The following NCEH1 variants were observed in gnomAD, a reference collection of about 807,000 sequenced individuals.
The protein encoded by NCEH1 is 2-acetyl MAGE hydrolase.
NCEH1 carries 9 observed loss-of-function variants against 25.4 expected under a neutral mutation model. That is an observed-to-expected ratio of 0.35 (90% CI 0.21 to 0.62). The LOEUF (loss-of-function observed/expected upper bound fraction) is 0.62, where lower values mean the gene tolerates loss of function less well. NCEH1 is among the 20% of genes least tolerant of loss of function. The pLI is 0.72. For synonymous variants in NCEH1, 200 were observed against 199.8 expected, an observed-to-expected ratio of 1.00 and a Z score of -0.01; for missense variants, 412 against 501.1, an observed-to-expected ratio of 0.82 and a Z score of 1.70.
chr3:172,650,648 C>CA (rs34027626), intron 1 of NCEH1, among the ~76,000 whole-genome samples: 57,635 of 119,246 alleles, frequency 0.48, 13,118 homozygotes, highest in East Asian at 0.72. Context: ...GACTCCGTCT[C>CA]AAAAAAAAAA....
chr3:172,697,568 C>A (rs1367043293), intron 1 of NCEH1, among the ~76,000 whole-genome samples: 1 of 151,934 alleles, frequency 6.6e-6, no homozygotes, highest in Non-Finnish European at 1.5e-5. Context: ...TATTAGCATC[C>A]TCCAGGACTA....
intron 1 of NCEH1, among the ~76,000 whole-genome samples, chr3:172,672,367 G>A (rs1711687212): frequency 1.3e-5 from 2 of 152,136 alleles, no homozygotes; most frequent in African/African-American, 4.8e-5. Context: ...ACCTGGCCAG[G>A]AAGCCCTTTT....
chr3:172,664,378 T>C (rs926932899), intron 1 of NCEH1, among the ~76,000 whole-genome samples: 2 of 152,242 alleles, frequency 1.3e-5, no homozygotes, highest in Non-Finnish European at 2.9e-5. Context: ...CCTTTCTCTC[T>C]GGCTGCGCTT....
chr3:172,705,051 T>A (rs528898779), intron 1 of NCEH1, among the ~76,000 whole-genome samples: 1 of 152,362 alleles, frequency 6.6e-6, no homozygotes, highest in Admixed American at 6.5e-5. Context: ...TAAAAGAAAT[T>A]CGATTTTTCT....
intron 1 of NCEH1, among the ~76,000 whole-genome samples, chr3:172,676,942 G>A (rs1012287098): frequency 6.6e-6 from 1 of 152,062 alleles, no homozygotes; most frequent in South Asian, 2.1e-4. Context: ...CTGGGTCTCG[G>A]GGGCCAAATT....
intron 1 of NCEH1, among the ~76,000 whole-genome samples, chr3:172,696,122 CAT>C (rs1427591614): frequency 6.6e-6 from 1 of 152,106 alleles, no homozygotes; most frequent in African/African-American, 2.4e-5. Context: ...TTAAGAAACT[CAT>C]ATACACAATT....
intron 1 of NCEH1, among the ~76,000 whole-genome samples, chr3:172,655,825 A>G (rs73038677): frequency 6.6e-6 from 1 of 152,022 alleles, no homozygotes; most frequent in African/African-American, 2.4e-5. Flanking sequence ...GTTGAATAAA[A>G]TTAAAAAATG....
chr3:172,702,339 C>G (rs1713744659), intron 1 of NCEH1, among the ~76,000 whole-genome samples: 1 of 152,212 alleles, frequency 6.6e-6, no homozygotes, highest in Admixed American at 6.5e-5. Flanking sequence ...GGCACTCAAC[C>G]TTGACATCTC....
intron 1 of NCEH1, among the ~76,000 whole-genome samples, chr3:172,691,473 C>T: frequency 6.6e-6 from 1 of 152,302 alleles, no homozygotes. Context: ...TATTCACTCA[C>T]TCAGCAAATA....
intron 1 of NCEH1, among the ~76,000 whole-genome samples, chr3:172,655,069 T>G (rs1006005393): frequency 6.6e-6 from 1 of 152,168 alleles, no homozygotes; most frequent in Non-Finnish European, 1.5e-5. Flanking sequence ...CTGAGGTGAA[T>G]TGAGTTTTAA....
chr3:172,673,091 T>C (rs955267850), intron 1 of NCEH1, among the ~76,000 whole-genome samples: 6 of 152,200 alleles, frequency 3.9e-5, no homozygotes, highest in Non-Finnish European at 7.4e-5. Flanking sequence ...CCAGTCTCTC[T>C]CTTTTCTCCT....
chr3:172,705,622 C>T (rs1329105241), intron 1 of NCEH1, among the ~76,000 whole-genome samples: 1 of 152,238 alleles, frequency 6.6e-6, no homozygotes, highest in South Asian at 2.1e-4. Flanking sequence ...CCTGCCAATG[C>T]CCCTTTTCTA....
chr3:172,685,139 A>G (rs1712627175), intron 1 of NCEH1, among the ~76,000 whole-genome samples: 1 of 149,890 alleles, frequency 6.7e-6, no homozygotes, highest in African/African-American at 2.5e-5. Context: ...TAAAAATACA[A>G]AAAGCTAGCT....
intron 1 of NCEH1, among the ~76,000 whole-genome samples, chr3:172,650,683 A>G (rs948913979): frequency 2.4e-4 from 36 of 151,002 alleles, no homozygotes; most frequent in African/African-American, 8.3e-4. Flanking sequence ...ATGGTGGCAC[A>G]TGCCTGTAAT....
intron 1 of NCEH1, among the ~76,000 whole-genome samples, chr3:172,670,945 T>C (rs1226676928): frequency 6.6e-6 from 1 of 152,178 alleles, no homozygotes; most frequent in African/African-American, 2.4e-5. Context: ...CCCAGAGAAA[T>C]GCATAGTCAT....
intron 1 of NCEH1, among the ~76,000 whole-genome samples, chr3:172,656,253 T>C (rs753393055): frequency 6.6e-6 from 1 of 152,066 alleles, no homozygotes; most frequent in Non-Finnish European, 1.5e-5. Flanking sequence ...ACGTGCTTCT[T>C]GGGAAAGAGC....
chr3:172,681,620 T>C (rs1712379608), intron 1 of NCEH1, among the ~76,000 whole-genome samples: 1 of 151,656 alleles, frequency 6.6e-6, no homozygotes, highest in South Asian at 2.1e-4. Flanking sequence ...CCAGGTGCGT[T>C]GGCTCACACC....
intron 1 of NCEH1, among the ~76,000 whole-genome samples, chr3:172,649,081 A>G (rs191918484): frequency 2.5e-4 from 38 of 152,276 alleles, no homozygotes; most frequent in African/African-American, 8.2e-4. Context: ...GTGGCACCTT[A>G]CAGCTTCTCA....
intron 1 of NCEH1, among the ~76,000 whole-genome samples, chr3:172,708,517 G>A (rs62281194): frequency 0.12 from 18,882 of 152,156 alleles, 1,334 homozygotes; most frequent in Non-Finnish European, 0.17. Context: ...CACCAGCCCT[G>A]GCTAATTTTT....
Sources: gnomAD v4.1 joint callset for allele counts (sites outside exome capture counted in the v4.1 genomes callset) on GRCh38, gnomAD v4.1.1 for gene constraint, MANE v1.5 for transcripts, NCBI Gene and HGNC (gene_info 2026-07-23, HGNC 2026-07-21) for gene names.